Variants in SLC25A21 observed in about 807,000 individuals in gnomAD.
The protein encoded by SLC25A21 is solute carrier family 25 member 21.
A neutral mutation model predicts 43.8 loss-of-function variants in SLC25A21; 47 were observed. The ratio of observed to expected loss-of-function variants is 1.07; its 90% CI spans 0.85 to 1.37. The LOEUF (loss-of-function observed/expected upper bound fraction) is 1.37, where lower values mean the gene tolerates loss of function less well. SLC25A21 is among the 40% of genes most tolerant of loss of function. SLC25A21 has a pLI of 0.00. For synonymous variants in SLC25A21, 131 were observed against 121.3 expected, an observed-to-expected ratio of 1.08 and a Z score of -0.52; for missense variants, 352 against 350.2, an observed-to-expected ratio of 1.00 and a Z score of -0.04.
chr14:36,679,248 TAAA>T lies in SLC25A21; in HGVS notation c.*1407_*1409del, dbSNP rs1282184703. The T allele has an allele frequency of 1.6e-5, 16 of 983,938 alleles. No homozygotes were observed. The highest frequency in any genetic ancestry group is 5.2e-4 in the Middle Eastern group (1 of 1,930). 61.0% of individuals were successfully genotyped at this position (983,938 alleles called of 1,614,324 possible). On this transcript the variant is annotated 3_prime_UTR_variant, in exon 10 of 10. Transcript: ENST00000331299. ...GAATATTGGACTGAAATATAAATTT[TAAA>T]AAACACGTTGGAAAGGATGTACAAC...
chr14:36,985,343 C>T (rs556014857), intron 1 of SLC25A21, among the ~76,000 whole-genome samples: 1 of 151,806 alleles, frequency 6.6e-6, no homozygotes, highest in Admixed American at 6.6e-5. Flanking sequence ...GCACATGTAC[C>T]CTAAAACTTA....
chr14:36,958,648 T>C (rs1236269017), intron 1 of SLC25A21, among the ~76,000 whole-genome samples: 10 of 151,310 alleles, frequency 6.6e-5, no homozygotes, highest in Non-Finnish European at 1.3e-4. Flanking sequence ...CTCACATACA[T>C]GTGTGTAGAG....
At chr14:36,982,372 ATAT>A (rs1222699653) in intron 1 of SLC25A21, among the ~76,000 whole-genome samples, 4 of 152,192 alleles carry the variant, frequency 2.6e-5, no homozygotes, top group Admixed American at 6.5e-5. Flanking sequence ...AAATAGTAAA[ATAT>A]TATTCAAATA....
chr14:36,726,386 T>C (rs958791417), intron 5 of SLC25A21, among the ~76,000 whole-genome samples: 2 of 151,426 alleles, frequency 1.3e-5, no homozygotes, highest in African/African-American at 4.9e-5. Context: ...TGAGCTATGA[T>C]TGAACAACTG....
At chr14:37,075,196 T>C (rs1430048955) in intron 1 of SLC25A21, among the ~76,000 whole-genome samples, 2 of 152,124 alleles carry the variant, frequency 1.3e-5, no homozygotes, top group Non-Finnish European at 2.9e-5. Flanking sequence ...GACTTAACGT[T>C]TTCCTTCTTC....
intron 1 of SLC25A21, among the ~76,000 whole-genome samples, chr14:36,999,676 C>T (rs1594745599): frequency 6.6e-6 from 1 of 152,012 alleles, no homozygotes; most frequent in South Asian, 2.1e-4. Flanking sequence ...TAAAACTGCT[C>T]TTAAAAAGTA....
At chr14:37,050,901 C>T (rs966446537) in intron 1 of SLC25A21, among the ~76,000 whole-genome samples, 1 of 152,134 alleles carries the variant, frequency 6.6e-6, no homozygotes, top group African/African-American at 2.4e-5. Flanking sequence ...TACTTATGTG[C>T]CTGGTTTTCA....
Position 36,678,796 on chromosome 14 carries a change from T to C in SLC25A21, c.*1862A>G. The C allele has an allele frequency of 9.8e-7, 1 of 1,023,524 alleles. No homozygotes were observed. The highest frequency in any genetic ancestry group is 4.6e-5 in the South Asian group (1 of 21,880). 63.4% of individuals were successfully genotyped at this position (1,023,524 alleles called of 1,614,324 possible). ...AAATCTAATATTAATGGTATTGAAG[T>C]TTCCTTTTCTCCCTCTAGGTCTTAA... On this transcript the variant is annotated 3_prime_UTR_variant, in exon 10 of 10. Coordinates refer to ENST00000331299, the MANE Select transcript of SLC25A21 (RefSeq NM_030631.4).
Position 36,680,586 on chromosome 14 carries a change from T to TA in SLC25A21, c.*71dup. On this transcript the variant is annotated 3_prime_UTR_variant, in exon 10 of 10. Coordinates refer to ENST00000331299, the MANE Select transcript of SLC25A21 (RefSeq NM_030631.4). The stretch of plus-strand genomic sequence containing the variant: ...CATAATTATACACCTGGCCGATCGA[T>TA]AGTCTCTCTTCTTCATGGTGCTGCA... 1 of 1,543,112 alleles carries TA rather than the reference T, an allele frequency of 6.5e-7. No homozygotes were observed. The highest frequency in any genetic ancestry group is 8.7e-7 in the Non-Finnish European group (1 of 1,144,184).
chr14:37,151,921 G>A lies in SLC25A21; in HGVS notation c.70+20360C>T, dbSNP rs537209544. On this transcript the variant is annotated intron_variant, in intron 1 of 9. Transcript: ENST00000331299. Reference sequence around the variant, plus strand: ...AGGGTGGCATGTGCCTGTAATCCCAGCTACTTTGGAGGCTGAGGCAAGAGA... The same window carrying A: ...AGGGTGGCATGTGCCTGTAATCCCAACTACTTTGGAGGCTGAGGCAAGAGA... Among the ~76,000 whole-genome samples the A allele has an allele frequency of 3.9e-5, 6 of 152,154 alleles. No homozygotes were observed. The East Asian group carries it at 1.2e-3, about 30-fold the overall frequency.
chr14:36,974,035 G>A (rs964120639), intron 1 of SLC25A21, among the ~76,000 whole-genome samples: 16 of 152,272 alleles, frequency 1.1e-4, no homozygotes, highest in Non-Finnish European at 1.6e-4. Flanking sequence ...GGAAAAAAAA[G>A]AGCAACATTT....
intron 1 of SLC25A21, among the ~76,000 whole-genome samples, chr14:37,013,199 G>C (rs1960770505): frequency 6.6e-6 from 1 of 152,184 alleles, no homozygotes; most frequent in South Asian, 2.1e-4. Context: ...ACTGAAATCT[G>C]AGAGACACGG....
intron 1 of SLC25A21, among the ~76,000 whole-genome samples, chr14:37,129,674 T>TAAA (rs5807931): frequency 7.3e-6 from 1 of 136,486 alleles, no homozygotes; most frequent in Non-Finnish European, 1.6e-5. Flanking sequence ...TAACAGTTAT[T>TAAA]AAAAAAAAAA....
intron 1 of SLC25A21, among the ~76,000 whole-genome samples, chr14:37,049,456 T>C (rs932338714): frequency 6.6e-6 from 1 of 151,700 alleles, no homozygotes; most frequent in Non-Finnish European, 1.5e-5. Context: ...CCTACAGTCC[T>C]AGCAATTAGG....
chr14:37,040,617 T>C (rs564329910), intron 1 of SLC25A21, among the ~76,000 whole-genome samples: 6 of 151,732 alleles, frequency 4.0e-5, no homozygotes, highest in Non-Finnish European at 8.8e-5. Flanking sequence ...AATGACATAA[T>C]TAAATTTACT....
intron 2 of SLC25A21, among the ~76,000 whole-genome samples, chr14:36,865,951 C>T (rs1890202305): frequency 6.6e-6 from 1 of 152,140 alleles, no homozygotes. Flanking sequence ...TTTCTTAGTG[C>T]AAGTTAAGTC....
chr14:36,897,115 A>C (rs1891263853), intron 1 of SLC25A21, among the ~76,000 whole-genome samples: 1 of 152,118 alleles, frequency 6.6e-6, no homozygotes, highest in African/African-American at 2.4e-5. Context: ...GTTCTCCTGG[A>C]TTATATCCTG....
chr14:36,923,757 A>G (rs1292984092), intron 1 of SLC25A21, among the ~76,000 whole-genome samples: 1 of 152,170 alleles, frequency 6.6e-6, no homozygotes, highest in Non-Finnish European at 1.5e-5. Context: ...TAAAAATAGC[A>G]ATACAAAAAT....
At chr14:36,757,883 G>C (rs1885994508) in intron 3 of SLC25A21, among the ~76,000 whole-genome samples, 1 of 152,204 alleles carries the variant, frequency 6.6e-6, no homozygotes, top group South Asian at 2.1e-4. Flanking sequence ...TGAGCACTCT[G>C]AGTCACACCA....
Sources: gnomAD v4.1 joint callset for allele counts (sites outside exome capture counted in the v4.1 genomes callset) on GRCh38, gnomAD v4.1.1 for gene constraint, MANE v1.5 for transcripts, NCBI Gene and HGNC (gene_info 2026-07-23, HGNC 2026-07-21) for gene names.